CCDC158: variants seen among roughly 807,000 people sequenced by gnomAD.
CCDC158 encodes the protein coiled-coil domain containing 158.
CCDC158 carries 116 observed loss-of-function variants against 138.6 expected under a neutral mutation model. That is an observed-to-expected ratio of 0.84 (90% CI 0.72 to 0.98). CCDC158 has a LOEUF of 0.98. Ranked by LOEUF, CCDC158 falls within the 50% of genes least tolerant of loss-of-function variation. The probability of loss-of-function intolerance (pLI) is 0.00; values close to 1 mark genes in which losing one functional copy is unlikely to be tolerated. For synonymous variants in CCDC158, 436 were observed against 442.4 expected (o/e 0.99, Z 0.18); for missense variants, 1,265 against 1,306.1 (o/e 0.97, Z 0.48).
intron 3 of CCDC158, 126 bp downstream of exon 3, chr4:76,403,012 T>C (rs1728536168): frequency 1.5e-6 from 1 of 657,234 alleles, no homozygotes; most frequent in Middle Eastern, 2.9e-4. Context: ...AACAATATGG[T>C]AGACATTCAT....
At chr4:76,318,842 T>C (rs1452437373) in intron 24 of CCDC158, among the ~76,000 whole-genome samples, 2 of 152,162 alleles carry the variant, frequency 1.3e-5, no homozygotes, top group African/African-American at 4.8e-5. Flanking sequence ...CCAATATCCA[T>C]GATGATGCCG....
intron 18 of CCDC158, among the ~76,000 whole-genome samples, chr4:76,336,369 T>C (rs1055364671): frequency 6.6e-6 from 1 of 152,114 alleles, no homozygotes; most frequent in African/African-American, 2.4e-5. Context: ...TGATCATCAT[T>C]GTCTTTATAT....
intron 4 of CCDC158, among the ~76,000 whole-genome samples, chr4:76,395,999 T>G (rs1579072313): frequency 6.6e-6 from 1 of 152,262 alleles, no homozygotes; most frequent in Non-Finnish European, 1.5e-5. Context: ...ATTATAATTT[T>G]GAGTTATTCA....
intron 1 of CCDC158, among the ~76,000 whole-genome samples, chr4:76,412,699 C>T (rs1349755087): frequency 2.0e-5 from 3 of 152,088 alleles, no homozygotes; most frequent in Non-Finnish European, 2.9e-5. Flanking sequence ...TGCAGTGAGC[C>T]GAGATTGTGC....
intron 3 of CCDC158, among the ~76,000 whole-genome samples, chr4:76,397,714 G>A (rs1727955382): frequency 6.6e-6 from 1 of 152,168 alleles, no homozygotes; most frequent in Non-Finnish European, 1.5e-5. Context: ...AGAACTCTAT[G>A]GTATTGGATT....
chr4:76,328,991 C>T, intron 21 of CCDC158, 24 bp from the exon 22 acceptor site: 1 of 1,571,950 alleles, frequency 6.4e-7, no homozygotes, highest in Non-Finnish European at 8.8e-7. Context: ...AATGGTAATG[C>T]AAGCATTCCA....
chr4:76,384,862 C>T (rs776112581), intron 4 of CCDC158, among the ~76,000 whole-genome samples, 197 bp from the exon 5 acceptor site: 8 of 152,200 alleles, frequency 5.3e-5, no homozygotes, highest in Non-Finnish European at 1.0e-4. Context: ...CTGTATCAAG[C>T]TTGACCCCTT....
chr4:76,327,006 A>G (rs1720591629), intron 22 of CCDC158, among the ~76,000 whole-genome samples: 3 of 152,180 alleles, frequency 2.0e-5, no homozygotes, highest in Admixed American at 1.3e-4. Context: ...TTTATAATTC[A>G]TATTTTTAAT....
At chr4:76,328,721 C>G (rs765863150) in intron 22 of CCDC158, among the ~76,000 whole-genome samples, 179 bp downstream of exon 22, 1 of 152,124 alleles carries the variant, frequency 6.6e-6, no homozygotes, top group Non-Finnish European at 1.5e-5. Flanking sequence ...AGCTGCCTGA[C>G]GTGTTCAAGG....
chr4:76,392,129 GT>G (rs1157687003), intron 4 of CCDC158, among the ~76,000 whole-genome samples: 2 of 151,800 alleles, frequency 1.3e-5, no homozygotes, highest in African/African-American at 2.4e-5. Context: ...TATGATGGCA[GT>G]TATTACCCTG....
chr4:76,345,304 A>G, intron 18 of CCDC158: 2 of 1,064,350 alleles, frequency 1.9e-6, no homozygotes, highest in Non-Finnish European at 2.9e-6. Flanking sequence ...GATCTCTTAT[A>G]CAGACACACC....
chr4:76,373,418 G>A (rs1725428669), intron 9 of CCDC158, among the ~76,000 whole-genome samples: 1 of 152,100 alleles, frequency 6.6e-6, no homozygotes, highest in African/African-American at 2.4e-5. Context: ...TAGCTTTAAG[G>A]TGGCTATTTA....
chr4:76,344,364 C>T (rs1045132046), intron 18 of CCDC158, among the ~76,000 whole-genome samples: 1 of 152,176 alleles, frequency 6.6e-6, no homozygotes, highest in Non-Finnish European at 1.5e-5. Flanking sequence ...AGGACACGAA[C>T]ATGTAAGCCA....
Position 76,367,720 on chromosome 4 carries a change from A to G in CCDC158, c.1404T>C (p.Ala468=). Residue 468 remains alanine (A), a synonymous_variant, in exon 12 of 25, where the codon GCT becomes GCC. Coordinates refer to ENST00000682701, the MANE Select transcript of CCDC158 (RefSeq NM_001394954.1). ...GCATCTCTTTGGTGGATTCAAGCTG[A>G]GCAGTCAAGGAGGATACTTTTTCTA... ...ESLEKVSSLT[A]QLESTKEMLR... The G allele has an allele frequency of 6.2e-7, 1 of 1,613,878 alleles. No individual in the cohort carries two copies.
intron 8 of CCDC158, among the ~76,000 whole-genome samples, chr4:76,380,112 T>G (rs1228824429): frequency 6.6e-6 from 1 of 152,158 alleles, no homozygotes; most frequent in Non-Finnish European, 1.5e-5. Context: ...TATAGTAGTG[T>G]AAGAATGGAT....
rs778854824 is a variant in CCDC158 at position 76,351,842 on chromosome 4, T to A, written c.2446-30A>T. On this transcript the variant is annotated intron_variant, in intron 16 of 24. Coordinates refer to ENST00000682701, the MANE Select transcript of CCDC158 (RefSeq NM_001394954.1). ...AAATGGAGCAATCATAAATGGTTTATCTTGCATTCTTTATGCACTTATATT... is the reference window on the plus strand; with the variant it reads ...AAATGGAGCAATCATAAATGGTTTAACTTGCATTCTTTATGCACTTATATT... 4.4e-6 allele frequency: 6 copies of A among 1,376,682 alleles called. No homozygotes were observed. In the South Asian group the frequency reaches 7.1e-5, roughly 16 times the overall value. 85.3% of individuals were successfully genotyped at this position (1,376,682 alleles called of 1,614,324 possible).
chr4:76,409,697 G>A (rs1328365233), intron 2 of CCDC158, among the ~76,000 whole-genome samples: 1 of 152,116 alleles, frequency 6.6e-6, no homozygotes, highest in Non-Finnish European at 1.5e-5. Flanking sequence ...CAGGTGTGGT[G>A]GCGGGCGCCT....
intron 18 of CCDC158, among the ~76,000 whole-genome samples, chr4:76,343,495 C>G (rs1722254106): frequency 6.6e-6 from 1 of 152,090 alleles, no homozygotes; most frequent in South Asian, 2.1e-4. Flanking sequence ...TATTTAAAAA[C>G]CAAAGTTAAT....
At chr4:76,415,835 G>A (rs1321313693) in intron 1 of CCDC158, among the ~76,000 whole-genome samples, 1 of 152,164 alleles carries the variant, frequency 6.6e-6, no homozygotes, top group Non-Finnish European at 1.5e-5. Flanking sequence ...TGGTCTAGTG[G>A]TAGCGTCAGT....
Sources: gnomAD v4.1 joint callset for allele counts (sites outside exome capture counted in the v4.1 genomes callset) on GRCh38, gnomAD v4.1.1 for gene constraint, MANE v1.5 for transcripts, NCBI Gene and HGNC (gene_info 2026-07-23, HGNC 2026-07-21) for gene names.